The following ZNF449 variants were observed in gnomAD, a reference collection of about 807,000 sequenced individuals.
ZNF449 encodes the protein zinc finger protein 449, also known as zinc finger and SCAN domain-containing protein 19.
In ZNF449, 4 loss-of-function variants were observed where a neutral mutation model predicts 32.6. The observed-to-expected ratio is 0.12, with a 90% CI of 0.06 to 0.28. The LOEUF (loss-of-function observed/expected upper bound fraction) is 0.28, where lower values mean the gene tolerates loss of function less well. ZNF449 is among the 10% of genes least tolerant of loss of function. The pLI, the probability that ZNF449 is intolerant of heterozygous loss-of-function variation, is 1.00. For missense variants in ZNF449, 275 were observed against 383.2 expected (o/e 0.72, Z 2.36); for synonymous variants, 123 against 132.2 (o/e 0.93, Z 0.48).
intron 1 of ZNF449, among the ~76,000 whole-genome samples, chrX:135,345,729 A>G (rs1556447947): frequency 9.0e-6 from 1 of 111,673 alleles, no homozygotes; most frequent in African/African-American, 3.3e-5. Flanking sequence ...AGGGGGATAC[A>G]AGGACAGAGT....
intron 4 of ZNF449, 39 bp from the exon 5 acceptor site, chrX:135,360,154 G>C: frequency 8.7e-7 from 1 of 1,148,399 alleles, no homozygotes. Flanking sequence ...TTTCTCCATG[G>C]AACACAATAT....
chrX:135,351,500 G>C (rs935083797), intron 3 of ZNF449, among the ~76,000 whole-genome samples: 5 of 109,848 alleles, frequency 4.6e-5, no homozygotes, highest in African/African-American at 1.7e-4. Flanking sequence ...AACATACAGA[G>C]TTTGAGGTGC....
At chrX:135,349,072 T>A in intron 2 of ZNF449, 38 bp from the exon 3 acceptor site, 1 of 1,196,743 alleles carries the variant, frequency 8.4e-7, no homozygotes, top group Non-Finnish European at 1.1e-6. Context: ...GCACTGTTGG[T>A]CTAGACTTGA....
intron 3 of ZNF449, among the ~76,000 whole-genome samples, chrX:135,359,233 GA>G (rs2084932920): frequency 9.0e-6 from 1 of 111,458 alleles, no homozygotes; most frequent in South Asian, 3.7e-4. Context: ...TCAATGAGGA[GA>G]GGGGTGGTCA....
chrX:135,345,239 C>T (rs1450027671), intron 1 of ZNF449, among the ~76,000 whole-genome samples: 37 of 112,825 alleles, frequency 3.3e-4, no homozygotes, highest in Admixed American at 3.2e-3. Flanking sequence ...AGGGTGGATT[C>T]CCTACGAGAA....
At chrX:135,347,777 A>C in intron 2 of ZNF449, 3 of 697,944 alleles carry the variant, frequency 4.3e-6, no homozygotes, top group Non-Finnish European at 6.3e-6. Flanking sequence ...CCATGGCCTG[A>C]AGGCCAATTC....
chrX:135,351,041 G>C (rs1556450213), intron 3 of ZNF449, among the ~76,000 whole-genome samples: 1 of 111,467 alleles, frequency 9.0e-6, no homozygotes, highest in African/African-American at 3.3e-5. Context: ...AGAGAAGCAG[G>C]GTCCTGGGTC....
rs1040265408 is a variant in ZNF449 at position 135,347,045 on chromosome X, C to T, written c.-74C>T. On this transcript the variant is annotated 5_prime_UTR_variant, in exon 2 of 5. The change creates a new upstream start codon in the 5' untranslated region. Coordinates refer to ENST00000339249, the MANE Select transcript of ZNF449 (RefSeq NM_152695.6). ...TGTAGGTGGCTCCCTCCCACCCCAA[C>T]GATTTCAGAGAGAAACAAGTCGGAA... 1.1e-5 allele frequency: 12 copies of T among 1,077,714 alleles called. No homozygotes were observed. Among genetic ancestry groups the T allele is most frequent in the Non-Finnish European group, 1.4e-5 (11 of 803,526 alleles). The allele number at this position is 1,077,714 out of a possible 1,213,427, so 88.8% of individuals were successfully genotyped here. A position where few individuals can be genotyped will look rare whatever the true frequency, so the allele number is the denominator to read the frequency against.
intron 3 of ZNF449, among the ~76,000 whole-genome samples, chrX:135,354,862 G>A (rs2084908234): frequency 9.0e-6 from 1 of 111,678 alleles, no homozygotes; most frequent in Admixed American, 9.5e-5. Context: ...GCTACTTTTA[G>A]TCCTTCAGCT....
chrX:135,348,673 A>G, intron 2 of ZNF449: 1 of 920,375 alleles, frequency 1.1e-6, no homozygotes, highest in Non-Finnish European at 1.4e-6. Flanking sequence ...TCCCTAGGGT[A>G]CTTGGGTTGG....
chrX:135,347,118 G>T lies in ZNF449; in HGVS notation c.-1G>T. 2 of 1,193,221 alleles carry T rather than the reference G, an allele frequency of 1.7e-6. No homozygotes were observed. Among genetic ancestry groups the T allele is most frequent in the Non-Finnish European group, 2.3e-6 (2 of 884,782 alleles). On this transcript the variant is annotated 5_prime_UTR_variant, in exon 2 of 5. Transcript: ENST00000339249. ...AAACTGTAAACTGCTGGAAGGGGGC[G>T]ATGGCTGTGGCCCTGGGTTGTGCAA...
At chrX:135,351,173 G>T (rs1212788895) in intron 3 of ZNF449, among the ~76,000 whole-genome samples, 1 of 111,823 alleles carries the variant, frequency 8.9e-6, no homozygotes, top group Non-Finnish European at 1.9e-5. Flanking sequence ...GATTATTCTG[G>T]CTATAGTAGG....
chrX:135,354,265 C>T (rs2084904084), intron 3 of ZNF449, among the ~76,000 whole-genome samples: 2 of 112,250 alleles, frequency 1.8e-5, no homozygotes, highest in Admixed American at 1.9e-4. Flanking sequence ...TAACTGTTCT[C>T]GCTATGTTGG....
intron 1 of ZNF449, among the ~76,000 whole-genome samples, chrX:135,345,326 G>A (rs782149464): frequency 8.9e-6 from 1 of 112,102 alleles, no homozygotes; most frequent in South Asian, 3.7e-4. Flanking sequence ...AAACCCGAAG[G>A]GTCAATTCCC....
rs1302520234 is a variant in ZNF449, at chrX:135,347,746, C to A, written c.354+274C>A. 8 of 930,170 alleles carry A rather than the reference C, an allele frequency of 8.6e-6. No individual in the cohort carries two copies. The African/African-American group carries it at 1.6e-4, about 19-fold the overall frequency. The allele number at this position is 930,170 out of a possible 1,213,427, so 76.7% of individuals were successfully genotyped here. A position where few individuals can be genotyped will look rare whatever the true frequency, so the allele number is the denominator to read the frequency against. On this transcript the variant is annotated intron_variant, in intron 2 of 4. Transcript: ENST00000339249. ...ACATAATCTACCCACATACATCAAC[C>A]CAAAGCATCAGTAAATTGCTCCATG...
Position 135,347,085 on chromosome X carries a change from C to A in ZNF449, c.-34C>A. Reference sequence around the variant, plus strand: ...ACAAGTCGGAATCTGAGAAGTGAGGCTCCAGATAAACTGTAAACTGCTGGA... The same window carrying A: ...ACAAGTCGGAATCTGAGAAGTGAGGATCCAGATAAACTGTAAACTGCTGGA... On this transcript the variant is annotated 5_prime_UTR_variant, in exon 2 of 5. Transcript: ENST00000339249. 1 of 1,147,926 alleles carries A rather than the reference C, an allele frequency of 8.7e-7. No individual in the cohort carries two copies. The highest frequency in any genetic ancestry group is 2.6e-5 in the Admixed American group (1 of 38,614). The allele number at this position is 1,147,926 out of a possible 1,213,427, so 94.6% of individuals were successfully genotyped here. A position where few individuals can be genotyped will look rare whatever the true frequency, so the allele number is the denominator to read the frequency against.
At chrX:135,353,360 T>C (rs2084898780) in intron 3 of ZNF449, among the ~76,000 whole-genome samples, 2 of 111,722 alleles carry the variant, frequency 1.8e-5, no homozygotes, top group South Asian at 3.7e-4. Flanking sequence ...TTTGGGAGCG[T>C]ATTTTGAATC....
intron 2 of ZNF449, 138 bp from the exon 3 acceptor site, chrX:135,348,972 T>C (rs2084867105): frequency 2.1e-6 from 2 of 932,110 alleles, no homozygotes; most frequent in Non-Finnish European, 3.0e-6. Flanking sequence ...ACACGTACTA[T>C]TAAGATTGGC....
intron 2 of ZNF449, chrX:135,348,897 TCTCA>T: frequency 1.1e-6 from 1 of 950,138 alleles, no homozygotes; most frequent in Non-Finnish European, 1.4e-6. Flanking sequence ...AGGTGAAATA[TCTCA>T]CTAATAATTG....
Sources: allele counts gnomAD v4.1 joint callset (sites outside exome capture counted in the v4.1 genomes callset), GRCh38; gene constraint gnomAD v4.1.1; transcripts MANE v1.5; gene names NCBI Gene and HGNC (gene_info 2026-07-23, HGNC 2026-07-21).